C8B: variants seen among roughly 807,000 people sequenced by gnomAD.
The protein encoded by C8B is complement C8 beta chain, also known as complement component C8 beta chain.
A neutral mutation model predicts 64.6 loss-of-function variants in C8B; 67 were observed. The ratio of observed to expected loss-of-function variants is 1.04; its 90% CI spans 0.85 to 1.27. The LOEUF (loss-of-function observed/expected upper bound fraction) is 1.27. Ranked by LOEUF, C8B falls within the 50% of genes most tolerant of loss-of-function variation. C8B has a pLI of 0.00. For missense variants in C8B, 790 were observed against 725.2 expected, an observed-to-expected ratio of 1.09 and a Z score of -1.03; for synonymous variants, 284 against 257.7, an observed-to-expected ratio of 1.10 and a Z score of -0.98.
chr1:56,961,235 A>G (rs1320626429), intron 1 of C8B, among the ~76,000 whole-genome samples: 1 of 152,214 alleles, frequency 6.6e-6, no homozygotes, highest in African/African-American at 2.4e-5. Context: ...ACACTGTAAG[A>G]TTCTTTGTAA....
chr1:56,961,602 A>G (rs1002798686), intron 1 of C8B, among the ~76,000 whole-genome samples: 2 of 152,180 alleles, frequency 1.3e-5, no homozygotes, highest in Non-Finnish European at 2.9e-5. Context: ...CTCTTCCAAC[A>G]TCTATGTAAG....
intron 2 of C8B, chr1:56,959,737 T>C (rs1645150428): frequency 5.7e-6 from 5 of 879,218 alleles, no homozygotes; most frequent in Non-Finnish European, 8.6e-6. Flanking sequence ...GCTTCCCCTG[T>C]TTCATGATGA....
Position 56,949,548 on chromosome 1 carries a change from T to C in C8B, c.864+7A>G. The C allele has an allele frequency of 6.2e-7, 1 of 1,611,812 alleles. No individual in the cohort carries two copies. Among genetic ancestry groups the C allele is most frequent in the Non-Finnish European group, 8.5e-7 (1 of 1,177,992 alleles). On this transcript the variant is annotated splice_region_variant and intron_variant, in intron 6 of 11. Transcript: ENST00000371237. Reference sequence around the variant, plus strand: ...TATACGTTTAAAAGCAACAAAGACATACTTACAGTATGAGAGAATCGTTTG... The same window carrying C: ...TATACGTTTAAAAGCAACAAAGACACACTTACAGTATGAGAGAATCGTTTG...
intron 2 of C8B, among the ~76,000 whole-genome samples, chr1:56,957,388 T>C (rs1486676609): frequency 6.6e-6 from 1 of 152,212 alleles, no homozygotes; most frequent in Admixed American, 6.5e-5. Flanking sequence ...AACATGGGCT[T>C]TGGAGCTACA....
At chr1:56,940,486 C>A (rs934772012) in intron 9 of C8B, among the ~76,000 whole-genome samples, 5 of 152,034 alleles carry the variant, frequency 3.3e-5, no homozygotes, top group Admixed American at 6.6e-5. Context: ...AGGAGGATCA[C>A]TTGAGCCCAG....
intron 5 of C8B, 99 bp from the exon 6 acceptor site, chr1:56,949,851 A>G: frequency 3.6e-6 from 3 of 828,102 alleles, no homozygotes; most frequent in Non-Finnish European, 2.0e-6. Context: ...TGTGCTGGAT[A>G]CTGAACTAGA....
rs773119336 is a variant in C8B at position 56,940,989 on chromosome 1, C to A, written c.1258G>T (p.Val420Leu). The change falls in exon 9 of 12, where the codon GTG becomes TTG. Residue 420 changes from valine to leucine, a missense_variant. By Grantham distance (32) the Val-to-Leu change is conservative. Coordinates refer to ENST00000371237, the MANE Select transcript of C8B (RefSeq NM_000066.4). ...CGTACCAGGACCACCAAGTCCTCCACCATGGTGTCCCTCTTGTTTCTGTCT... is the reference window on the plus strand; with the variant it reads ...CGTACCAGGACCACCAAGTCCTCCAACATGGTGTCCCTCTTGTTTCTGTCT... ...IKDRNKRDTMVEDLVVLVRGG... is the reference protein window; with the variant it reads ...IKDRNKRDTMLEDLVVLVRGG... 6.2e-7 allele frequency: 1 copy of A among 1,614,120 alleles called. No individual in the cohort carries two copies. The highest frequency in any genetic ancestry group is 8.5e-7 in the Non-Finnish European group (1 of 1,180,014).
intron 4 of C8B, among the ~76,000 whole-genome samples, chr1:56,953,541 G>A (rs1031749756): frequency 6.6e-6 from 1 of 152,166 alleles, no homozygotes; most frequent in African/African-American, 2.4e-5. Flanking sequence ...TGGGTGGACT[G>A]GACTTTGAAA....
At chr1:56,945,781 C>T (rs924627333) in intron 7 of C8B, 40 bp downstream of exon 7, 6 of 1,613,546 alleles carry the variant, frequency 3.7e-6, no homozygotes, top group Non-Finnish European at 5.1e-6. Context: ...TGACTCTTCC[C>T]CCAGCTTTTA....
intron 6 of C8B, among the ~76,000 whole-genome samples, chr1:56,948,661 G>C (rs534271332): frequency 5.9e-4 from 90 of 152,212 alleles, no homozygotes; most frequent in Non-Finnish European, 1.0e-3. Flanking sequence ...TGAGAAGAGG[G>C]CCATGAATTA....
chr1:56,956,687 C>G (rs1645107866), intron 3 of C8B, 82 bp downstream of exon 3: 1 of 1,509,362 alleles, frequency 6.6e-7, no homozygotes, highest in Non-Finnish European at 9.2e-7. Context: ...ATCTTGAGCA[C>G]TGGACATGGC....
At chr1:56,941,950 T>A (rs1644870269) in intron 8 of C8B, among the ~76,000 whole-genome samples, 1 of 152,218 alleles carries the variant, frequency 6.6e-6, no homozygotes, top group Non-Finnish European at 1.5e-5. Flanking sequence ...TTGGGACAAA[T>A]CATTTATACA....
chr1:56,952,055 G>A lies in C8B; in HGVS notation c.659C>T (p.Thr220Met), dbSNP rs374321085. 33 of 1,613,936 alleles carry A rather than the reference G, an allele frequency of 2.0e-5. No individual in the cohort carries two copies. Among genetic ancestry groups the A allele is most frequent in the African/African-American group, 1.3e-4 (10 of 74,924 alleles). ...TACCTGGCTGTCTCTTACCTGTGGCGTGTAGCTTTCCACATTGTAGGGCTT... is the reference window on the plus strand; with the variant it reads ...TACCTGGCTGTCTCTTACCTGTGGCATGTAGCTTTCCACATTGTAGGGCTT... ...FRKPYNVESY[T>M]PQTQGKYEFI... The change falls in exon 5 of 12, where the codon ACG (threonine) becomes ATG (methionine). Residue 220 changes from threonine (T) to methionine (M), a missense_variant. Coordinates refer to ENST00000371237, the MANE Select transcript of C8B (RefSeq NM_000066.4).
intron 3 of C8B, among the ~76,000 whole-genome samples, chr1:56,956,246 A>T (rs1487220127): frequency 6.6e-6 from 1 of 152,162 alleles, no homozygotes; most frequent in African/African-American, 2.4e-5. Context: ...CCTCTGAGAG[A>T]GCTAAGGGAG....
chr1:56,935,335 A>AT (rs774671058), intron 9 of C8B, among the ~76,000 whole-genome samples: 1 of 152,012 alleles, frequency 6.6e-6, no homozygotes, highest in African/African-American at 2.4e-5. Flanking sequence ...TTTGCTGCTC[A>AT]TTTTTTTCCT....
At chr1:56,930,228 T>C (rs1644679808) in intron 11 of C8B, among the ~76,000 whole-genome samples, 3 of 152,236 alleles carry the variant, frequency 2.0e-5, no homozygotes, top group Admixed American at 1.3e-4. Context: ...GCAATGGATG[T>C]TGTAGATGAA....
At chr1:56,957,204 T>C in intron 2 of C8B, among the ~76,000 whole-genome samples, 1 of 152,192 alleles carries the variant, frequency 6.6e-6, no homozygotes, top group Admixed American at 6.5e-5. Flanking sequence ...TTGCTGAATG[T>C]GGGAAAGTCA....
chr1:56,947,423 C>G (rs1248145126), intron 6 of C8B, among the ~76,000 whole-genome samples: 3 of 152,188 alleles, frequency 2.0e-5, no homozygotes, highest in African/African-American at 7.2e-5. Flanking sequence ...TATTATTTTG[C>G]ACATGCTGTT....
At chr1:56,948,456 A>G (rs1644974495) in intron 6 of C8B, among the ~76,000 whole-genome samples, 1 of 152,194 alleles carries the variant, frequency 6.6e-6, no homozygotes, top group Admixed American at 6.5e-5. Context: ...ATTAACATCC[A>G]TTGAAAATTT....
Sources: allele counts gnomAD v4.1 joint callset (sites outside exome capture counted in the v4.1 genomes callset), GRCh38; gene constraint gnomAD v4.1.1; transcripts MANE v1.5; gene names NCBI Gene and HGNC (gene_info 2026-07-23, HGNC 2026-07-21).